Variants in TFEB observed in about 807,000 individuals in gnomAD.
TFEB encodes T-cell transcription factor EB.
TFEB carries 12 observed loss-of-function variants against 48.0 expected under a neutral mutation model. That is an observed-to-expected ratio of 0.25 (90% CI 0.16 to 0.40). TFEB has a LOEUF of 0.40. Ranked by LOEUF, TFEB falls within the 10% of genes least tolerant of loss-of-function variation. The pLI is 1.00. For missense variants in TFEB, 509 were observed against 640.3 expected (o/e 0.79, Z 2.21); for synonymous variants, 244 against 261.4 (o/e 0.93, Z 0.64).
intron 1 of TFEB, among the ~76,000 whole-genome samples, chr6:41,703,791 T>C (rs779232414): frequency 6.6e-6 from 1 of 152,258 alleles, no homozygotes; most frequent in East Asian, 1.9e-4. Context: ...TGCATTGATA[T>C]GTGTTACTGA....
chr6:41,700,057 C>T (rs1210426938), intron 1 of TFEB, among the ~76,000 whole-genome samples: 1 of 152,198 alleles, frequency 6.6e-6, no homozygotes, highest in East Asian at 1.9e-4. Context: ...CAACAGCACA[C>T]AAAGGCTGTC....
intron 1 of TFEB, among the ~76,000 whole-genome samples, chr6:41,713,598 A>G (rs1770581303): frequency 6.6e-6 from 1 of 152,150 alleles, no homozygotes; most frequent in Non-Finnish European, 1.5e-5. Context: ...ACGCGGTCTG[A>G]GGCGAGGAAG....
chr6:41,705,652 TCACCACCGCAGGCTGGACCTCTTC>T (rs1770174355), intron 1 of TFEB: 1 of 152,428 alleles, frequency 6.6e-6, no homozygotes. Flanking sequence ...CTGACCTCTT[TCACCACCGCAGGCTGGACCTCTTC>T]CACCACCACA....
chr6:41,684,378 C>T lies in TFEB; in HGVS notation c.*221G>A. On this transcript the variant is annotated 3_prime_UTR_variant, in exon 9 of 9. Coordinates refer to ENST00000373033, the MANE Select transcript of TFEB (RefSeq NM_001271944.2). ...TCTCCGGGAGAGGGGCTGAAGGCCTCTTCCCACTGCGCCAGTCAAGAGGGC... is the reference window on the plus strand; with the variant it reads ...TCTCCGGGAGAGGGGCTGAAGGCCTTTTCCCACTGCGCCAGTCAAGAGGGC... The T allele has an allele frequency of 6.5e-6, 3 of 459,400 alleles. No individual in the cohort carries two copies. Among genetic ancestry groups the T allele is most frequent in the Non-Finnish European group, 1.1e-5 (3 of 272,924 alleles). 28.5% of individuals were successfully genotyped at this position (459,400 alleles called of 1,614,324 possible). A position where few individuals can be genotyped will look rare whatever the true frequency, so the allele number is the denominator to read the frequency against.
At chr6:41,700,321 C>T (rs971990738) in intron 1 of TFEB, among the ~76,000 whole-genome samples, 4 of 152,112 alleles carry the variant, frequency 2.6e-5, no homozygotes, top group Non-Finnish European at 5.9e-5. Flanking sequence ...AAAAAATTAG[C>T]CGGGCATGGT....
intron 1 of TFEB, among the ~76,000 whole-genome samples, chr6:41,707,245 C>A (rs1770274024): frequency 6.6e-6 from 1 of 152,242 alleles, no homozygotes; most frequent in Admixed American, 6.5e-5. Flanking sequence ...GTGAGTGCAG[C>A]CACCTTCCTA....
intron 1 of TFEB, among the ~76,000 whole-genome samples, chr6:41,722,581 C>T (rs1443430725): frequency 2.0e-5 from 3 of 152,214 alleles, no homozygotes; most frequent in Admixed American, 2.0e-4. Context: ...CCTACATGTC[C>T]CCATCTGCAA....
chr6:41,690,635 C>T, intron 3 of TFEB, 28 bp downstream of exon 3: 1 of 1,497,178 alleles, frequency 6.7e-7, no homozygotes, highest in Non-Finnish European at 8.9e-7. Context: ...CTGCAAGCAG[C>T]ATGGCCACTG....
intron 6 of TFEB, among the ~76,000 whole-genome samples, chr6:41,687,475 T>A (rs1769070747): frequency 6.6e-6 from 1 of 152,220 alleles, no homozygotes; most frequent in South Asian, 2.1e-4. Flanking sequence ...CCAGGTTCCA[T>A]GCCTTAACCC....
Position 41,685,054 on chromosome 6 carries a change from G to A in TFEB, c.976C>T (p.His326Tyr). Residue 326 changes from histidine to tyrosine, a missense_variant, in exon 9 of 9, where the codon CAC (histidine) becomes TAC (tyrosine). By Grantham distance (83) the His-to-Tyr change is moderately conservative. Transcript: ENST00000373033. Reference sequence around the variant, plus strand: ...GACGGGGAGGTGGTAGGGAGGCCGTGCACTCGAGCCTGCATCTCCAGCTCC... The same window carrying A: ...GACGGGGAGGTGGTAGGGAGGCCGTACACTCGAGCCTGCATCTCCAGCTCC... ...IQELEMQARV[H>Y]GLPTTSPSGM... The A allele has an allele frequency of 2.0e-6, 3 of 1,464,554 alleles. No individual in the cohort carries two copies. Among genetic ancestry groups the A allele is most frequent in the East Asian group, 2.6e-5 (1 of 39,152 alleles). 90.7% of individuals were successfully genotyped at this position (1,464,554 alleles called of 1,614,324 possible). A position where few individuals can be genotyped will look rare whatever the true frequency, so the allele number is the denominator to read the frequency against.
Position 41,724,039 on chromosome 6 carries a change from C to A in TFEB, c.-23+11311G>T, listed in dbSNP as rs986844702. On this transcript the variant is annotated intron_variant, in intron 1 of 8. Coordinates refer to ENST00000373033, the MANE Select transcript of TFEB (RefSeq NM_001271944.2). This position sits in a 1 kb window ranked among gnomAD's most constrained non-coding sequence, Gnocchi z 4.4. ...TGGGCCTTCCCAGGGCCTCCAGACA[C>A]CCAGGTCGAGGCCGTACTACAGCCC... 1.6e-5 allele frequency: 7 copies of A among 437,856 alleles called. No homozygotes were observed. Among genetic ancestry groups the A allele is most frequent in the Non-Finnish European group, 3.2e-5 (7 of 217,214 alleles). The allele number at this position is 437,856 out of a possible 1,614,324, so 27.1% of individuals were successfully genotyped here. A position where few individuals can be genotyped will look rare whatever the true frequency, so the allele number is the denominator to read the frequency against.
intron 1 of TFEB, among the ~76,000 whole-genome samples, chr6:41,714,112 T>C (rs1026059830): frequency 2.8e-5 from 4 of 141,866 alleles, no homozygotes; most frequent in Non-Finnish European, 6.1e-5. Context: ...TGTGTGCACG[T>C]GTGTGTGTGT....
intron 1 of TFEB, among the ~76,000 whole-genome samples, chr6:41,701,900 G>A (rs1431354511): frequency 1.4e-5 from 2 of 146,204 alleles, no homozygotes; most frequent in South Asian, 2.1e-4. Flanking sequence ...AGCTGAGATC[G>A]CACCACTGCA....
At chr6:41,714,127 GTGTGCATGTGTGCGTGTGTGTGCA>G (rs1479415865) in intron 1 of TFEB, among the ~76,000 whole-genome samples, 1 of 120,034 alleles carries the variant, frequency 8.3e-6, no homozygotes, top group Non-Finnish European at 1.7e-5. Flanking sequence ...GTGTGTGTGC[GTGTGCATGTGTGCGTGTGTGTGCA>G]TGTGCATGCG....
intron 1 of TFEB, among the ~76,000 whole-genome samples, chr6:41,692,071 T>C (rs1267329283): frequency 6.6e-6 from 1 of 152,176 alleles, no homozygotes; most frequent in African/African-American, 2.4e-5. Flanking sequence ...AGGACCACCC[T>C]ATTAAAATTA....
intron 6 of TFEB, 59 bp from the exon 7 acceptor site, chr6:41,687,228 G>A: frequency 6.4e-7 from 1 of 1,552,242 alleles, no homozygotes; most frequent in Non-Finnish European, 8.9e-7. Flanking sequence ...CCACCCCATG[G>A]GGAGAAGTAC....
rs1431016061 is a variant in TFEB, at chr6:41,685,060, G to A, written c.970C>T (p.Arg324Ter). ...GAGGTGGTAGGGAGGCCGTGCACTC[G>A]AGCCTGCATCTCCAGCTCCTGCAGG... ...LRIQELEMQA[R>*]VHGLPTTSPS... The change falls in exon 9 of 9, where the codon CGA becomes TGA. Residue 324 changes from arginine to a stop codon, truncating the protein, a stop_gained. Transcript: ENST00000373033. LOFTEE classifies it high-confidence loss of function. The A allele has an allele frequency of 1.4e-6, 2 of 1,453,670 alleles. No homozygotes were observed. The highest frequency in any genetic ancestry group is 1.8e-6 in the Non-Finnish European group (2 of 1,100,416). 90.0% of individuals were successfully genotyped at this position (1,453,670 alleles called of 1,614,324 possible).
intron 1 of TFEB, among the ~76,000 whole-genome samples, chr6:41,725,229 C>A (rs1259869492): frequency 6.6e-6 from 1 of 152,214 alleles, no homozygotes; most frequent in Non-Finnish European, 1.5e-5. Context: ...TAATTAGTTA[C>A]AGGGGCTGTC....
chr6:41,687,667 CAGTG>C (rs768416451), intron 6 of TFEB, 82 bp downstream of exon 6: 15 of 1,555,068 alleles, frequency 9.6e-6, no homozygotes, highest in African/African-American at 2.7e-5. Context: ...AGCCTTCCAC[CAGTG>C]CAGGTCAGGG....
Sources: gnomAD v4.1 joint callset for allele counts (sites outside exome capture counted in the v4.1 genomes callset) on GRCh38, gnomAD v4.1.1 for gene constraint, Gnocchi (gnomAD v3.1) non-coding constraint, MANE v1.5 for transcripts, NCBI Gene and HGNC (gene_info 2026-07-23, HGNC 2026-07-21) for gene names.